HS1BP3: variants seen among roughly 807,000 people sequenced by gnomAD.
HS1BP3 encodes HCLS1 binding protein 3.
In HS1BP3, 32 loss-of-function variants were observed where a neutral mutation model predicts 33.5. That is an observed-to-expected ratio of 0.95 (90% confidence interval 0.72 to 1.28). The LOEUF is 1.28. Ranked by LOEUF, HS1BP3 falls within the 50% of genes most tolerant of loss-of-function variation. The pLI, the probability that HS1BP3 is intolerant of heterozygous loss-of-function variation, is 0.00. For synonymous variants in HS1BP3, 187 were observed against 209.2 expected (o/e 0.89, Z 0.92); for missense variants, 486 against 502.3 (o/e 0.97, Z 0.31).
At chr2:20,626,848 A>G (rs1003842880) in intron 4 of HS1BP3, among the ~76,000 whole-genome samples, 5 of 152,178 alleles carry the variant, frequency 3.3e-5, no homozygotes, top group African/African-American at 9.7e-5. Context: ...TGGAGGAGCC[A>G]GGGCTCGCCT....
At chr2:20,572,143 T>C (rs1180891138) in intron 5 of HS1BP3, among the ~76,000 whole-genome samples, 2 of 152,240 alleles carry the variant, frequency 1.3e-5, no homozygotes, top group African/African-American at 4.8e-5. Context: ...AGTCTTTCCT[T>C]GAAGGGGCAG....
intron 4 of HS1BP3, among the ~76,000 whole-genome samples, chr2:20,632,544 G>C (rs181158523): frequency 5.3e-5 from 8 of 152,242 alleles, no homozygotes; most frequent in Admixed American, 3.9e-4. Context: ...TCCTGGGAAG[G>C]TTCCTCAGTC....
intron 2 of HS1BP3, chr2:20,606,553 C>T: frequency 2.1e-6 from 1 of 485,822 alleles, no homozygotes; most frequent in Non-Finnish European, 4.1e-6. Context: ...CTTTGGAGCA[C>T]TTCTTCTTTT....
intron 2 of HS1BP3, among the ~76,000 whole-genome samples, chr2:20,599,649 C>T (rs201014605): frequency 0.035 from 4,820 of 138,902 alleles, 159 homozygotes; most frequent in South Asian, 0.15. Flanking sequence ...CACACACACA[C>T]TCTGTTTTTT....
downstream of HS1BP3, chr2:20,591,242 C>T (rs56129345): frequency 0.1 from 16,810 of 167,216 alleles, 884 homozygotes; most frequent in South Asian, 0.19. Context: ...CCTTCCTCCA[C>T]GGGAGCTGCC....
intron 5 of HS1BP3, among the ~76,000 whole-genome samples, chr2:20,584,283 T>A (rs1478753015): frequency 6.6e-6 from 1 of 152,178 alleles, no homozygotes; most frequent in Admixed American, 6.5e-5. Context: ...AGAAGAGAGA[T>A]GTTCTAATCA....
chr2:20,628,079 C>T (rs1439491107), intron 4 of HS1BP3, among the ~76,000 whole-genome samples: 1 of 152,180 alleles, frequency 6.6e-6, no homozygotes, highest in African/African-American at 2.4e-5. Context: ...GCGAAAGCCC[C>T]TCCTCCGAAG....
At chr2:20,597,211 G>T (rs1693962693) in intron 3 of HS1BP3, among the ~76,000 whole-genome samples, 1 of 152,216 alleles carries the variant, frequency 6.6e-6, no homozygotes, top group African/African-American at 2.4e-5. Context: ...AGCCCAGCAG[G>T]AAGCAGGCCT....
rs1462168199 is a variant in HS1BP3 at position 20,597,793 on chromosome 2, G to C, written c.*12+415C>G. Among the ~76,000 whole-genome samples the C allele has an allele frequency of 2.6e-5, 4 of 152,338 alleles. No individual in the cohort carries two copies. In the East Asian group the frequency reaches 7.7e-4, roughly 29 times the overall value. The stretch of plus-strand genomic sequence containing the variant: ...AGATGGTTCTCATAGAATGGGACTA[G>C]GAGGATTCAAGGAAAGAAGACCTGC... On this transcript the variant is annotated intron_variant, in intron 3 of 3. Transcript: ENST00000415264.
chr2:20,643,224 AG>A (rs1695412078), intron 2 of HS1BP3, among the ~76,000 whole-genome samples: 2 of 152,156 alleles, frequency 1.3e-5, no homozygotes, highest in South Asian at 4.1e-4. Context: ...GTCACTGCCT[AG>A]GAAAAAGTGG....
chr2:20,651,037 G>A lies in HS1BP3; in HGVS notation c.27C>T (p.Thr9=), dbSNP rs1572371254. The part of the protein sequence containing the change: MQSPAVLV[T]SRRLQNAHTG... ...GGCGCGGGGGTCTGGCTCACCTGGAGGTGACGAGCACCGCCGGGGACTGCA... is the reference window on the plus strand; with the variant it reads ...GGCGCGGGGGTCTGGCTCACCTGGAAGTGACGAGCACCGCCGGGGACTGCA... Residue 9 remains threonine, a synonymous_variant, in exon 1 of 7, where the codon ACC becomes ACT. Coordinates refer to ENST00000304031, the MANE Select transcript of HS1BP3 (RefSeq NM_022460.4). 7 of 1,240,716 alleles carry A rather than the reference G, an allele frequency of 5.6e-6. No homozygotes were observed. The highest frequency in any genetic ancestry group is 7.0e-6 in the Non-Finnish European group (7 of 993,128). The allele number at this position is 1,240,716 out of a possible 1,614,324, so 76.9% of individuals were successfully genotyped here. A position where few individuals can be genotyped will look rare whatever the true frequency, so the allele number is the denominator to read the frequency against.
intron 5 of HS1BP3, among the ~76,000 whole-genome samples, chr2:20,561,672 T>G (rs1285285254): frequency 6.6e-6 from 1 of 152,180 alleles, no homozygotes; most frequent in Non-Finnish European, 1.5e-5. Flanking sequence ...CGTCTCAAAA[T>G]GCACACTCCC....
In HS1BP3 at chr2:20,638,622, G is replaced by A; in HGVS notation, c.437C>T (p.Thr146Ile). ...GTRSPGAAGL[T>I]SRDSSVLDGT... ...ATCCAGGACAGAGGAATCTCTGCTG[G>A]TGAGCCCTGCAGCCCCTGGGGATCT... The change falls in exon 4 of 7, where the codon ACC becomes ATC. Residue 146 changes from threonine (T) to isoleucine (I), a missense_variant. Coordinates refer to ENST00000304031, the MANE Select transcript of HS1BP3 (RefSeq NM_022460.4). 1 of 1,614,176 alleles carries A rather than the reference G, an allele frequency of 6.2e-7. No homozygotes were observed. Among genetic ancestry groups the A allele is most frequent in the Non-Finnish European group, 8.5e-7 (1 of 1,180,004 alleles).
intron 4 of HS1BP3, among the ~76,000 whole-genome samples, chr2:20,630,599 G>A (rs923177126): frequency 1.3e-5 from 2 of 152,154 alleles, no homozygotes; most frequent in East Asian, 1.9e-4. Flanking sequence ...AAAATTCTCA[G>A]AGTACCAATA....
chr2:20,608,574 C>CA (rs60486220), intron 2 of HS1BP3, among the ~76,000 whole-genome samples: 8,151 of 96,212 alleles, frequency 0.085, 514 homozygotes, highest in African/African-American at 0.2. Context: ...AACTCCGTCT[C>CA]AAAAAAAAAA....
At chr2:20,595,535 T>C (rs1390780649) in intron 3 of HS1BP3, among the ~76,000 whole-genome samples, 1 of 152,228 alleles carries the variant, frequency 6.6e-6, no homozygotes, top group Non-Finnish European at 1.5e-5. Flanking sequence ...TGGGCCTTGC[T>C]GATCCTGTAG....
chr2:20,638,569 C>G lies in HS1BP3; in HGVS notation c.490G>C (p.Glu164Gln). The G allele has an allele frequency of 6.2e-7, 1 of 1,614,234 alleles. No homozygotes were observed. The highest frequency in any genetic ancestry group is 8.5e-7 in the Non-Finnish European group (1 of 1,180,034). The part of the protein sequence containing the change: ...DGTDSQTGND[E>Q]EAFDFFEEQD... ...TCCTCAAAAAAGTCGAAAGCCTCTT[C>G]ATCATTCCCTGTCTGACTGTCTGTG... is the stretch of plus-strand genomic sequence containing the variant. The change falls in exon 4 of 7, where the codon GAA (glutamate) becomes CAA (glutamine). Residue 164 changes from glutamate (E) to glutamine (Q), a missense_variant. Glu to Gln is a conservative substitution (Grantham distance 29). Coordinates refer to ENST00000304031, the MANE Select transcript of HS1BP3 (RefSeq NM_022460.4).
intron 4 of HS1BP3, among the ~76,000 whole-genome samples, chr2:20,629,259 C>T (rs775197944): frequency 2.0e-5 from 3 of 152,138 alleles, no homozygotes; most frequent in Non-Finnish European, 4.4e-5. Context: ...GGTCAGGTCG[C>T]ACACATGGGC....
chr2:20,557,311 A>G (rs1692864382), downstream of HS1BP3, among the ~76,000 whole-genome samples: 1 of 152,214 alleles, frequency 6.6e-6, no homozygotes, highest in South Asian at 2.1e-4. Flanking sequence ...TTCCAGACAA[A>G]GACCTGTATT....
Sources: gnomAD v4.1 joint callset for allele counts (sites outside exome capture counted in the v4.1 genomes callset) on GRCh38, gnomAD v4.1.1 for gene constraint, MANE v1.5 for transcripts, NCBI Gene and HGNC (gene_info 2026-07-23, HGNC 2026-07-21) for gene names.